Variants in ASPH observed in about 807,000 individuals in gnomAD.
ASPH encodes aspartate beta-hydroxylase, also known as aspartyl/asparaginyl beta-hydroxylase.
ASPH carries 100 observed loss-of-function variants against 118.4 expected under a neutral mutation model. That is an observed-to-expected ratio of 0.84 (90% CI 0.72 to 1.00). The LOEUF (loss-of-function observed/expected upper bound fraction) is 1.00. ASPH is among the 50% of genes least tolerant of loss of function. The pLI, the probability that ASPH is intolerant of heterozygous loss-of-function variation, is 0.00. For synonymous variants in ASPH, 315 were observed against 325.6 expected, an observed-to-expected ratio of 0.97 and a Z score of 0.35; for missense variants, 920 against 919.5, an observed-to-expected ratio of 1.00 and a Z score of -0.01.
intron 3 of ASPH, among the ~76,000 whole-genome samples, chr8:61,673,820 TCA>T (rs374632583): frequency 4.0e-5 from 6 of 150,746 alleles, no homozygotes; most frequent in South Asian, 2.1e-4. Flanking sequence ...TTTATCTCTC[TCA>T]CACACACACA....
intron 13 of ASPH, among the ~76,000 whole-genome samples, chr8:61,629,572 A>G (rs1421202595): frequency 6.6e-6 from 1 of 152,244 alleles, no homozygotes; most frequent in Non-Finnish European, 1.5e-5. Context: ...AAGCTTCCAC[A>G]TGCTTGCCAA....
intron 14 of ASPH, among the ~76,000 whole-genome samples, chr8:61,600,708 T>C (rs1364191031): frequency 1.3e-5 from 2 of 150,696 alleles, no homozygotes; most frequent in Non-Finnish European, 2.9e-5. Flanking sequence ...ATATGAAAAA[T>C]AGAAAACATA....
At chr8:61,574,771 C>T (rs1226853140) in intron 16 of ASPH, among the ~76,000 whole-genome samples, 1 of 152,122 alleles carries the variant, frequency 6.6e-6, no homozygotes, top group Non-Finnish European at 1.5e-5. Context: ...GTGCAGCAAA[C>T]CACCATGGCA....
chr8:61,602,689 CAGG>C (rs1161786242), intron 14 of ASPH, among the ~76,000 whole-genome samples: 1 of 151,054 alleles, frequency 6.6e-6, no homozygotes, highest in African/African-American at 2.5e-5. Context: ...GAAGAACATC[CAGG>C]AGAAGTCACA....
intron 1 of ASPH, 75 bp downstream of exon 1, chr8:61,714,194 C>G: frequency 7.4e-7 from 1 of 1,353,932 alleles, no homozygotes; most frequent in Non-Finnish European, 9.5e-7. Context: ...GAGATGCACC[C>G]GCAGCGTCCG....
chr8:61,706,404 C>CAAAAAAAAAAA (rs55731088), intron 1 of ASPH, among the ~76,000 whole-genome samples: 6 of 70,560 alleles, frequency 8.5e-5, no homozygotes, highest in Non-Finnish European at 1.2e-4. Context: ...GGTCATGACT[C>CAAAAAAAAAAA]AAAAAAAAAA....
At chr8:61,601,341 G>T (rs1315108563) in intron 14 of ASPH, among the ~76,000 whole-genome samples, 1 of 151,212 alleles carries the variant, frequency 6.6e-6, no homozygotes, top group Non-Finnish European at 1.5e-5. Context: ...AGGAGCTCAA[G>T]ACCAGCCTGG....
At position 61,548,140 on chromosome 8, in the gene ASPH, G is replaced by T. The variant is rs781508063; in HGVS notation, c.1695C>A (p.Tyr565Ter). The T allele has an allele frequency of 5.1e-5, 83 of 1,613,856 alleles. No homozygotes were observed. The highest frequency in any genetic ancestry group is 6.6e-5 in the Non-Finnish European group (78 of 1,179,920). ...GCTGTGCTTTCAGTCCATTCACATTGTAGAGTGAGCGTTGCCAGACAGATG... is the reference window on the plus strand; with the variant it reads ...GCTGTGCTTTCAGTCCATTCACATTTTAGAGTGAGCGTTGCCAGACAGATG... The part of the protein sequence containing the change: ...HFASVWQRSL[Y>*]NVNGLKAQPW... The change falls in exon 21 of 25, where the codon TAC (tyrosine) becomes TAA (stop). Residue 565 changes from tyrosine to a stop codon, truncating the protein, a stop_gained. Transcript: ENST00000379454. LOFTEE classifies it high-confidence loss of function.
chr8:61,661,482 T>C (rs1816882663), intron 3 of ASPH: 3 of 153,084 alleles, frequency 2.0e-5, no homozygotes, highest in East Asian at 1.9e-4. Flanking sequence ...CATTTTACAA[T>C]GGAATATTCT....
chr8:61,649,587 C>G (rs372789615), intron 5 of ASPH, among the ~76,000 whole-genome samples: 1 of 152,076 alleles, frequency 6.6e-6, no homozygotes, highest in East Asian at 1.9e-4. Context: ...AGAACAAGTC[C>G]AAGAAGGAGG....
intron 15 of ASPH, chr8:61,583,577 A>G (rs936070924): frequency 2.4e-5 from 4 of 165,840 alleles, no homozygotes; most frequent in Non-Finnish European, 3.9e-5. Context: ...TTTGATCTTT[A>G]AATTGATCTT....
intron 23 of ASPH, 147 bp from the exon 24 acceptor site, chr8:61,517,808 A>G (rs1399351228): frequency 8.0e-7 from 1 of 1,256,930 alleles, no homozygotes; most frequent in African/African-American, 1.5e-5. Context: ...TTTCTTTGTG[A>G]AGGAACTAAA....
Position 61,554,995 on chromosome 8 carries a change from G to T in ASPH, c.1536+929C>A, listed in dbSNP as rs149530230. On this transcript the variant is annotated intron_variant, in intron 19 of 24. Transcript: ENST00000379454. ...TCCAAAAGTGTTGGGCTTACAGGTG[G>T]GAGCCACTGCACCTGGCCCACAGCA... 2.1e-3 allele frequency among the ~76,000 whole-genome samples: 318 copies of T among 152,182 alleles called. 1 individual carries two copies. Among genetic ancestry groups the T allele is most frequent in the African/African-American group, 7.4e-3 (306 of 41,528 alleles).
intron 22 of ASPH, among the ~76,000 whole-genome samples, chr8:61,520,835 T>G (rs1812693680): frequency 6.6e-6 from 1 of 152,222 alleles, no homozygotes; most frequent in Admixed American, 6.5e-5. Flanking sequence ...ATGTGCTACC[T>G]GGAGAACAGA....
At chr8:61,529,449 A>T (rs1381627103) in intron 21 of ASPH, among the ~76,000 whole-genome samples, 1 of 152,132 alleles carries the variant, frequency 6.6e-6, no homozygotes, top group Non-Finnish European at 1.5e-5. Context: ...GGAACCAAAA[A>T]ATCCCACCAG....
At chr8:61,604,314 G>C (rs1480678578) in intron 14 of ASPH, among the ~76,000 whole-genome samples, 2 of 152,156 alleles carry the variant, frequency 1.3e-5, no homozygotes, top group Non-Finnish European at 2.9e-5. Context: ...CAGAAAGAGA[G>C]AGAAATGGTT....
chr8:61,559,251 A>C (rs1031598799), intron 18 of ASPH, among the ~76,000 whole-genome samples: 2 of 152,234 alleles, frequency 1.3e-5, no homozygotes, highest in African/African-American at 4.8e-5. Flanking sequence ...ATAAGAATAT[A>C]ACATATAGTA....
chr8:61,697,060 C>A (rs565633011), intron 1 of ASPH, among the ~76,000 whole-genome samples: 1 of 152,180 alleles, frequency 6.6e-6, no homozygotes, highest in East Asian at 1.9e-4. Flanking sequence ...GCAAAAGAAT[C>A]CAGCATTTAA....
In ASPH at chr8:61,501,588, C is replaced by CAGTT. The variant is rs1416329915; in HGVS notation, c.*1767_*1770dup. On this transcript the variant is annotated 3_prime_UTR_variant, in exon 25 of 25. Transcript: ENST00000379454. ...GAACATTGAATTGTATTGCCCTTGT[C>CAGTT]AGTTATTTCCTCTGTTCAATAAATA... The CAGTT allele has an allele frequency of 6.6e-6, 1 of 152,146 alleles. No individual in the cohort carries two copies. The highest frequency in any genetic ancestry group is 2.4e-5 in the African/African-American group (1 of 41,432). 9.4% of individuals were successfully genotyped at this position (152,146 alleles called of 1,614,324 possible).
Sources: gnomAD v4.1 joint callset for allele counts (sites outside exome capture counted in the v4.1 genomes callset) on GRCh38, gnomAD v4.1.1 for gene constraint, MANE v1.5 for transcripts, NCBI Gene and HGNC (gene_info 2026-07-23, HGNC 2026-07-21) for gene names.